PTPRR: variants seen among roughly 807,000 people sequenced by gnomAD.
The protein encoded by PTPRR is receptor-type tyrosine-protein phosphatase R.
Under a neutral mutation model 77.2 loss-of-function variants are expected in PTPRR, and 38 were observed. The ratio of observed to expected loss-of-function variants is 0.49; its 90% CI spans 0.38 to 0.65. PTPRR has a LOEUF of 0.65. Among genes scored for constraint, PTPRR ranks in the 30% least tolerant of loss-of-function variants. The pLI, the probability that PTPRR is intolerant of heterozygous loss-of-function variation, is 0.00. For synonymous variants in PTPRR, 299 were observed against 283.1 expected (o/e 1.06, Z -0.57); for missense variants, 744 against 799.2 (o/e 0.93, Z 0.83).
chr12:70,908,579 A>G (rs116481721), intron 1 of PTPRR, among the ~76,000 whole-genome samples: 303 of 152,278 alleles, frequency 2.0e-3, no homozygotes, highest in African/African-American at 6.0e-3. Flanking sequence ...CCATGATTCA[A>G]TTATCTCCAC....
At chr12:70,903,083 G>T (rs1031752284) in intron 1 of PTPRR, among the ~76,000 whole-genome samples, 1 of 151,790 alleles carries the variant, frequency 6.6e-6, no homozygotes, top group East Asian at 1.9e-4. Flanking sequence ...TAGAAAGATG[G>T]TTATCAAAGG....
At chr12:70,847,406 C>G (rs1892503770) in intron 2 of PTPRR, among the ~76,000 whole-genome samples, 1 of 152,154 alleles carries the variant, frequency 6.6e-6, no homozygotes, top group Non-Finnish European at 1.5e-5. Context: ...ATAATATGGT[C>G]AGTCTAGTTG....
chr12:70,877,336 G>C (rs1893068591), intron 2 of PTPRR, among the ~76,000 whole-genome samples: 1 of 152,114 alleles, frequency 6.6e-6, no homozygotes, highest in Non-Finnish European at 1.5e-5. Flanking sequence ...ATCAGCAACA[G>C]AATGAAAACC....
At chr12:70,731,018 G>A (rs887724141) in intron 6 of PTPRR, among the ~76,000 whole-genome samples, 1 of 136,216 alleles carries the variant, frequency 7.3e-6, no homozygotes, top group African/African-American at 2.7e-5. Context: ...ATAGAGGAAG[G>A]AGAGAGAGAG....
chr12:70,787,799 T>C (rs886959870), intron 2 of PTPRR, among the ~76,000 whole-genome samples: 2 of 152,198 alleles, frequency 1.3e-5, no homozygotes, highest in African/African-American at 2.4e-5. Context: ...TCTGCAATAT[T>C]GAATCAGACA....
chr12:70,848,301 A>T (rs1199423015), intron 2 of PTPRR, among the ~76,000 whole-genome samples: 1 of 152,158 alleles, frequency 6.6e-6, no homozygotes, highest in African/African-American at 2.4e-5. Context: ...CCCTTCGAAT[A>T]TTTCTATGTT....
chr12:70,734,598 C>G (rs999455106), intron 6 of PTPRR, among the ~76,000 whole-genome samples: 9 of 152,092 alleles, frequency 5.9e-5, no homozygotes, highest in Non-Finnish European at 1.3e-4. Context: ...GGGGCAGATA[C>G]AGCAGTTAGA....
At chr12:70,890,154 C>T (rs374010571) in intron 2 of PTPRR, among the ~76,000 whole-genome samples, 14 of 152,140 alleles carry the variant, frequency 9.2e-5, no homozygotes, top group African/African-American at 2.4e-4. Context: ...TATTTTTTTC[C>T]TCTTACCATA....
chr12:70,729,352 C>G (rs947729174), intron 6 of PTPRR, among the ~76,000 whole-genome samples: 4 of 126,610 alleles, frequency 3.2e-5, no homozygotes, highest in Non-Finnish European at 5.3e-5. Flanking sequence ...ATCTATCTAT[C>G]TATCTATCTA....
At position 70,920,449 on chromosome 12, in the gene PTPRR, G is replaced by A. The variant is rs1254421806; in HGVS notation, c.-59C>T. ...ACCACGACCCCACTTCAGGTAAAGTGCTATTAGAAAGAGCCACCGCCAAGG... is the reference window on the plus strand; with the variant it reads ...ACCACGACCCCACTTCAGGTAAAGTACTATTAGAAAGAGCCACCGCCAAGG... On this transcript the variant is annotated 5_prime_UTR_variant, in exon 1 of 14. Transcript: ENST00000283228. 1 of 1,543,550 alleles carries A rather than the reference G, an allele frequency of 6.5e-7. No homozygotes were observed. The highest frequency in any genetic ancestry group is 1.4e-5 in the African/African-American group (1 of 73,038).
chr12:70,768,768 C>T (rs1482330787), intron 2 of PTPRR, among the ~76,000 whole-genome samples: 3 of 152,030 alleles, frequency 2.0e-5, no homozygotes, highest in South Asian at 2.1e-4. Context: ...CAATAAAATA[C>T]GGGCAAACCG....
chr12:70,873,470 A>G (rs1395636043), intron 2 of PTPRR, among the ~76,000 whole-genome samples: 1 of 152,204 alleles, frequency 6.6e-6, no homozygotes, highest in African/African-American at 2.4e-5. Flanking sequence ...GCTGGATGAG[A>G]TGCCCATCTC....
At chr12:70,826,944 G>C (rs184148499) in intron 2 of PTPRR, among the ~76,000 whole-genome samples, 1 of 152,258 alleles carries the variant, frequency 6.6e-6, no homozygotes, top group Non-Finnish European at 1.5e-5. Context: ...CTGCCTCAGG[G>C]GTTTTGGCCT....
At chr12:70,800,564 A>G (rs1170340594) in intron 2 of PTPRR, among the ~76,000 whole-genome samples, 1 of 152,070 alleles carries the variant, frequency 6.6e-6, no homozygotes, top group Non-Finnish European at 1.5e-5. Context: ...TAAAGTAGGT[A>G]TTTTTTTCAT....
rs563039060 is a variant in PTPRR at position 70,905,291 on chromosome 12, G to A, written c.59-12314C>T. The stretch of plus-strand genomic sequence containing the variant: ...TCATAAGAGAGTGAGGACTAGGGAG[G>A]AAAGATGAAAGGTTTCAGGAGAATG... On this transcript the variant is annotated intron_variant, in intron 1 of 13. Coordinates refer to ENST00000283228, the MANE Select transcript of PTPRR (RefSeq NM_002849.4). Among the ~76,000 whole-genome samples the A allele has an allele frequency of 7.9e-5, 12 of 151,924 alleles. No homozygotes were observed. The East Asian group carries it at 2.3e-3, about 29-fold the overall frequency.
At chr12:70,821,022 C>T (rs1891998372) in intron 2 of PTPRR, among the ~76,000 whole-genome samples, 1 of 152,022 alleles carries the variant, frequency 6.6e-6, no homozygotes, top group African/African-American at 2.4e-5. Flanking sequence ...ACTGTTTTAA[C>T]AAGGGTCAAA....
At chr12:70,916,902 C>T (rs1251551839) in intron 1 of PTPRR, among the ~76,000 whole-genome samples, 2 of 152,144 alleles carry the variant, frequency 1.3e-5, no homozygotes, top group Admixed American at 1.3e-4. Context: ...TTTGAAAGAA[C>T]CTTTTCCAGA....
intron 2 of PTPRR, among the ~76,000 whole-genome samples, chr12:70,804,566 C>T (rs959717929): frequency 6.6e-6 from 1 of 152,098 alleles, no homozygotes; most frequent in South Asian, 2.1e-4. Context: ...AAAGAAGACT[C>T]CTGATGCTAG....
chr12:70,683,943 G>A (rs1446521649), intron 10 of PTPRR, among the ~76,000 whole-genome samples, 184 bp downstream of exon 10: 2 of 152,176 alleles, frequency 1.3e-5, no homozygotes. Flanking sequence ...TGACTTGTCT[G>A]AAAGAAAGTT....
Sources: allele counts gnomAD v4.1 joint callset (sites outside exome capture counted in the v4.1 genomes callset), GRCh38; gene constraint gnomAD v4.1.1; transcripts MANE v1.5; gene names NCBI Gene and HGNC (gene_info 2026-07-23, HGNC 2026-07-21).